Variants in MBD5 observed in about 807,000 individuals in gnomAD.
MBD5 encodes the protein methyl-CpG-binding domain protein 5.
A neutral mutation model predicts 117.3 loss-of-function variants in MBD5; 13 were observed. That is an observed-to-expected ratio of 0.11 (90% CI 0.07 to 0.18). The LOEUF (loss-of-function observed/expected upper bound fraction) is 0.18, where lower values mean the gene tolerates loss of function less well. Ranked by LOEUF, MBD5 falls within the 10% of genes least tolerant of loss-of-function variation. The pLI is 1.00. For missense variants in MBD5, 1,879 were observed against 2,093.8 expected (o/e 0.90, Z 2.00); for synonymous variants, 727 against 766.4 (o/e 0.95, Z 0.85).
In MBD5 at chr2:148,339,123, G is replaced by A. The variant is rs115908486; in HGVS notation, c.-679-3091G>A. Among the ~76,000 whole-genome samples the A allele has an allele frequency of 8.3e-3, 1,257 of 152,248 alleles. 22 individuals carry two copies. Among genetic ancestry groups the A allele is most frequent in the African/African-American group, 0.029 (1,211 of 41,542 alleles). On this transcript the variant is annotated intron_variant, in intron 3 of 13. Coordinates refer to ENST00000642680, the MANE Select transcript of MBD5 (RefSeq NM_001378120.1). ...TGCCTATCAGGTCTCTGTGATGACTGTGTTAAAATCTCAAGCTCATTCTTG... is the reference window on the plus strand; with the variant it reads ...TGCCTATCAGGTCTCTGTGATGACTATGTTAAAATCTCAAGCTCATTCTTG...
intron 4 of MBD5, among the ~76,000 whole-genome samples, chr2:148,371,349 C>T (rs918834000): frequency 2.6e-5 from 4 of 151,954 alleles, no homozygotes; most frequent in Non-Finnish European, 5.9e-5. Context: ...ACTTTTTTCC[C>T]CCTCAATTAG....
At chr2:148,099,124 A>C (rs1171236800) in intron 1 of MBD5, among the ~76,000 whole-genome samples, 2 of 152,146 alleles carry the variant, frequency 1.3e-5, no homozygotes, top group Non-Finnish European at 2.9e-5. Flanking sequence ...GGACAGGAGG[A>C]AAACTATCTG....
At chr2:148,102,723 C>G (rs866773288) in intron 1 of MBD5, among the ~76,000 whole-genome samples, 846 of 69,828 alleles carry the variant, frequency 0.012, 3 homozygotes, top group African/African-American at 0.019. Flanking sequence ...CACACACACA[C>G]ACACACAGAG....
At chr2:148,443,354 A>C (rs1024939979) in intron 4 of MBD5, among the ~76,000 whole-genome samples, 2 of 151,282 alleles carry the variant, frequency 1.3e-5, no homozygotes, top group Non-Finnish European at 2.9e-5. Flanking sequence ...ACAAAACTAA[A>C]AATGGAGCTA....
intron 3 of MBD5, among the ~76,000 whole-genome samples, chr2:148,280,454 G>T (rs1360825273): frequency 2.0e-5 from 3 of 151,996 alleles, no homozygotes; most frequent in Non-Finnish European, 4.4e-5. Flanking sequence ...TTCTTGAGGT[G>T]GGTATCTCAC....
At chr2:148,360,170 A>C (rs1165854663) in intron 4 of MBD5, among the ~76,000 whole-genome samples, 1 of 152,126 alleles carries the variant, frequency 6.6e-6, no homozygotes, top group Non-Finnish European at 1.5e-5. Context: ...TAAACCCTCC[A>C]TGTCTCTTTT....
chr2:148,442,313 G>A (rs1706352306), intron 4 of MBD5, among the ~76,000 whole-genome samples: 1 of 151,264 alleles, frequency 6.6e-6, no homozygotes, highest in Non-Finnish European at 1.5e-5. Flanking sequence ...GTTCCAGTAT[G>A]TGCAAGGCCT....
intron 3 of MBD5, among the ~76,000 whole-genome samples, chr2:148,312,030 A>G (rs879128508): frequency 6.6e-6 from 1 of 152,180 alleles, no homozygotes; most frequent in South Asian, 2.1e-4. Context: ...TGATAATCTG[A>G]TGGGATTCCC....
At chr2:148,204,262 A>G (rs1318725148) in intron 2 of MBD5, among the ~76,000 whole-genome samples, 6 of 151,968 alleles carry the variant, frequency 3.9e-5, no homozygotes, top group South Asian at 2.1e-4. Context: ...AAGGCTAGAC[A>G]TCATGGAAAG....
chr2:148,302,445 A>G (rs896136291), intron 3 of MBD5, among the ~76,000 whole-genome samples: 1 of 152,148 alleles, frequency 6.6e-6, no homozygotes, highest in African/African-American at 2.4e-5. Context: ...CTAGAGCAAT[A>G]TTTTCTCCAT....
intron 13 of MBD5, among the ~76,000 whole-genome samples, chr2:148,510,340 A>G (rs963745087): frequency 1.3e-5 from 2 of 152,240 alleles, no homozygotes; most frequent in African/African-American, 4.8e-5. Context: ...TTTCTTCCTG[A>G]GATAAGTAAT....
intron 1 of MBD5, among the ~76,000 whole-genome samples, chr2:148,123,017 G>T (rs1333095604): frequency 6.6e-6 from 1 of 152,174 alleles, no homozygotes. Flanking sequence ...GAAGAGGTGG[G>T]TGGATGTAAT....
intron 4 of MBD5, among the ~76,000 whole-genome samples, chr2:148,402,475 C>A (rs571013428): frequency 6.6e-6 from 1 of 152,062 alleles, no homozygotes; most frequent in Non-Finnish European, 1.5e-5. Context: ...AATGAAAATA[C>A]AACCACCAAA....
chr2:148,190,915 T>A (rs1574115032), intron 2 of MBD5, among the ~76,000 whole-genome samples: 1 of 121,956 alleles, frequency 8.2e-6, no homozygotes, highest in African/African-American at 3.1e-5. Context: ...GAGGAAGATC[T>A]ACCAAGCAAA....
chr2:148,213,624 T>G (rs981342917), intron 2 of MBD5, among the ~76,000 whole-genome samples: 69 of 152,340 alleles, frequency 4.5e-4, no homozygotes, highest in African/African-American at 1.6e-3. Context: ...TTATATTTTA[T>G]TCTTTCTAAA....
intron 1 of MBD5, among the ~76,000 whole-genome samples, chr2:148,037,230 A>G (rs2105642570): frequency 6.6e-6 from 1 of 152,092 alleles, no homozygotes; most frequent in South Asian, 2.1e-4. Flanking sequence ...CAAATAACCA[A>G]GTATTGACTG....
chr2:148,162,835 C>T (rs948409081), intron 1 of MBD5, among the ~76,000 whole-genome samples: 4 of 152,026 alleles, frequency 2.6e-5, no homozygotes, highest in Non-Finnish European at 4.4e-5. Flanking sequence ...TGTTTAGGGG[C>T]ACCTAAAATG....
intron 1 of MBD5, among the ~76,000 whole-genome samples, chr2:148,038,728 C>T (rs554799757): frequency 1.8e-4 from 27 of 151,808 alleles, no homozygotes; most frequent in African/African-American, 4.6e-4. Context: ...ACTAAACTAA[C>T]GGATAAAGAT....
At chr2:148,125,174 G>C (rs896488093) in intron 1 of MBD5, among the ~76,000 whole-genome samples, 1 of 151,862 alleles carries the variant, frequency 6.6e-6, no homozygotes, top group African/African-American at 2.4e-5. Flanking sequence ...GAAAATAGTT[G>C]TTATTCTTTC....
Sources: allele counts gnomAD v4.1 joint callset (sites outside exome capture counted in the v4.1 genomes callset), GRCh38; gene constraint gnomAD v4.1.1; transcripts MANE v1.5; gene names NCBI Gene and HGNC (gene_info 2026-07-23, HGNC 2026-07-21).